The following EXT1 variants were observed in gnomAD, a reference collection of about 807,000 sequenced individuals.
EXT1 encodes exostosin-1.
In EXT1, 20 loss-of-function variants were observed where a neutral mutation model predicts 82.5. That is an observed-to-expected ratio of 0.24 (90% CI 0.17 to 0.35). The LOEUF (loss-of-function observed/expected upper bound fraction) is 0.35, where lower values mean the gene tolerates loss of function less well. EXT1 is among the 10% of genes least tolerant of loss of function. The pLI is 1.00. For missense variants in EXT1, 757 were observed against 936.5 expected, an observed-to-expected ratio of 0.81 and a Z score of 2.50; for synonymous variants, 348 against 350.8, an observed-to-expected ratio of 0.99 and a Z score of 0.09.
At chr8:117,986,354 TAA>T (rs1049270307) in intron 1 of EXT1, among the ~76,000 whole-genome samples, 3 of 152,108 alleles carry the variant, frequency 2.0e-5, no homozygotes, top group Admixed American at 2.0e-4. Context: ...CACGCCTGGC[TAA>T]GTTTTTGTAC....
At chr8:117,851,487 T>G (rs112290808) in intron 1 of EXT1, among the ~76,000 whole-genome samples, 32 of 151,912 alleles carry the variant, frequency 2.1e-4, no homozygotes, top group South Asian at 2.1e-3. Context: ...ACATGGGGGT[T>G]TTAGTTGGTG....
chr8:118,039,557 C>CAA (rs71307422), intron 1 of EXT1, among the ~76,000 whole-genome samples: 1,223 of 80,458 alleles, frequency 0.015, no homozygotes, highest in East Asian at 0.027. Context: ...GACTCCGTCA[C>CAA]AAAAAAAAAA....
chr8:117,937,986 G>T (rs534607601), intron 1 of EXT1, among the ~76,000 whole-genome samples: 2 of 152,268 alleles, frequency 1.3e-5, no homozygotes, highest in East Asian at 3.9e-4. Flanking sequence ...TCGTTTTGAG[G>T]GTATTCACTT....
intron 1 of EXT1, among the ~76,000 whole-genome samples, chr8:118,056,469 TC>T (rs933744621): frequency 1.3e-5 from 2 of 152,004 alleles, no homozygotes; most frequent in African/African-American, 2.4e-5. Context: ...GTGATAAACA[TC>T]CCCCCTACCC....
intron 1 of EXT1, among the ~76,000 whole-genome samples, chr8:117,891,540 C>T (rs752695941): frequency 6.6e-6 from 1 of 151,714 alleles, no homozygotes; most frequent in Non-Finnish European, 1.5e-5. Flanking sequence ...AAAAAAAATG[C>T]TCTAAGTCAG....
chr8:117,867,360 G>A (rs1266473963), intron 1 of EXT1, among the ~76,000 whole-genome samples: 1 of 152,126 alleles, frequency 6.6e-6, no homozygotes, highest in Non-Finnish European at 1.5e-5. Flanking sequence ...GTAGTGGTGG[G>A]AGTGGGGAGA....
At chr8:117,805,798 A>T (rs1422287545) in intron 9 of EXT1, among the ~76,000 whole-genome samples, 1 of 152,206 alleles carries the variant, frequency 6.6e-6, no homozygotes, top group African/African-American at 2.4e-5. Context: ...GGGGAATGTT[A>T]GCTATCTACC....
intron 1 of EXT1, among the ~76,000 whole-genome samples, chr8:117,968,413 C>A (rs12542183): frequency 0.36 from 55,193 of 151,914 alleles, 12,518 homozygotes; most frequent in African/African-American, 0.64. Context: ...AGTCACCATG[C>A]CTGGCCAAAA....
chr8:117,893,870 C>A (rs1813290978), intron 1 of EXT1, among the ~76,000 whole-genome samples: 1 of 152,180 alleles, frequency 6.6e-6, no homozygotes, highest in Non-Finnish European at 1.5e-5. Context: ...AATCTTGTTA[C>A]ATCACTTGAG....
chr8:117,877,288 T>C (rs1276952650), intron 1 of EXT1, among the ~76,000 whole-genome samples: 2 of 152,228 alleles, frequency 1.3e-5, no homozygotes, highest in East Asian at 3.9e-4. Context: ...TCTTCATAGT[T>C]GGAGCCGCCA....
At chr8:118,008,179 C>A (rs1815818654) in intron 1 of EXT1, among the ~76,000 whole-genome samples, 1 of 152,090 alleles carries the variant, frequency 6.6e-6, no homozygotes, top group South Asian at 2.1e-4. Flanking sequence ...GTTTGGTTTG[C>A]TCTTACTGTG....
Position 117,819,657 on chromosome 8 carries a change from C to G in EXT1, c.1536+19G>C. The G allele has an allele frequency of 6.2e-7, 1 of 1,606,206 alleles. No homozygotes were observed. The highest frequency in any genetic ancestry group is 8.5e-7 in the Non-Finnish European group (1 of 1,174,502). Reference sequence around the variant, plus strand: ...GGAGCTGGAGCAGGCAGGGGCTTCTCTGTCAACTTCCCGCTCACCTGGGCA... The same window carrying G: ...GGAGCTGGAGCAGGCAGGGGCTTCTGTGTCAACTTCCCGCTCACCTGGGCA... On this transcript the variant is annotated intron_variant, in intron 6 of 10. Coordinates refer to ENST00000378204, the MANE Select transcript of EXT1 (RefSeq NM_000127.3).
In EXT1 at chr8:117,961,831, G is replaced by C. The variant is rs192644639; in HGVS notation, c.963-124630C>G. ...AGCTCCTGCTGCTGGCCTGAAAAAC[G>C]GGGTCTAAACAACTCCTTTCATGGT... On this transcript the variant is annotated intron_variant, in intron 1 of 10. Coordinates refer to ENST00000378204, the MANE Select transcript of EXT1 (RefSeq NM_000127.3). Among the ~76,000 whole-genome samples, 532 of 152,192 alleles carry C rather than the reference G, an allele frequency of 3.5e-3. 1 individual carries two copies. Among genetic ancestry groups the C allele is most frequent in the South Asian group, 8.7e-3 (42 of 4,820 alleles).
At chr8:117,965,299 A>G (rs553132991) in intron 1 of EXT1, among the ~76,000 whole-genome samples, 100 of 152,320 alleles carry the variant, frequency 6.6e-4, no homozygotes, top group African/African-American at 2.2e-3. Flanking sequence ...GGCATCAGTC[A>G]GCAGCAATAG....
intron 1 of EXT1, among the ~76,000 whole-genome samples, chr8:117,931,459 G>A (rs891936651): frequency 1.3e-5 from 2 of 151,710 alleles, no homozygotes; most frequent in African/African-American, 4.8e-5. Context: ...TGTGTGGGGC[G>A]GGGGTGTGGG....
At chr8:118,048,952 A>T (rs538323944) in intron 1 of EXT1, among the ~76,000 whole-genome samples, 48 of 152,304 alleles carry the variant, frequency 3.2e-4, no homozygotes, top group African/African-American at 1.0e-3. Flanking sequence ...CAATCTATAA[A>T]ATTCCAGACT....
chr8:118,050,808 A>G (rs1354012261), intron 1 of EXT1, among the ~76,000 whole-genome samples: 1 of 152,238 alleles, frequency 6.6e-6, no homozygotes, highest in African/African-American at 2.4e-5. Context: ...TACACCATCC[A>G]TAAATAATAT....
chr8:117,858,092 G>C (rs1463753464), intron 1 of EXT1, among the ~76,000 whole-genome samples: 2 of 152,196 alleles, frequency 1.3e-5, no homozygotes, highest in Admixed American at 1.3e-4. Context: ...TCTTATGGAT[G>C]AGCAAATAAA....
chr8:117,832,860 A>G (rs1315664748), intron 3 of EXT1, among the ~76,000 whole-genome samples: 2 of 152,160 alleles, frequency 1.3e-5, no homozygotes, highest in Admixed American at 6.5e-5. Flanking sequence ...AGGTATGGGA[A>G]AGTGATAAAT....
Sources: allele counts gnomAD v4.1 joint callset (sites outside exome capture counted in the v4.1 genomes callset), GRCh38; gene constraint gnomAD v4.1.1; transcripts MANE v1.5; gene names NCBI Gene and HGNC (gene_info 2026-07-23, HGNC 2026-07-21).